WNK1: variants seen among roughly 807,000 people sequenced by gnomAD.
WNK1 encodes WNK lysine deficient protein kinase 1.
WNK1 carries 38 observed loss-of-function variants against 222.8 expected under a neutral mutation model. The observed-to-expected ratio is 0.17, with a 90% CI of 0.13 to 0.22. The LOEUF (loss-of-function observed/expected upper bound fraction) is 0.22. WNK1 is among the 10% of genes least tolerant of loss of function. The pLI is 1.00. For synonymous variants in WNK1, 1,090 were observed against 1,092.9 expected (o/e 1.00, Z 0.05); for missense variants, 2,348 against 2,918.4 (o/e 0.80, Z 4.50).
chr12:877,144 A>G (rs1592137304), intron 9 of WNK1, among the ~76,000 whole-genome samples: 1 of 141,100 alleles, frequency 7.1e-6, no homozygotes, highest in African/African-American at 2.7e-5. Flanking sequence ...GCTCACTGCA[A>G]CCTCCGCCTC....
intron 4 of WNK1, among the ~76,000 whole-genome samples, chr12:841,759 G>A (rs1276371920): frequency 1.3e-5 from 2 of 152,138 alleles, no homozygotes; most frequent in Non-Finnish European, 2.9e-5. Context: ...CTCATAGACC[G>A]GACTTTCTCG....
chr12:898,072 A>T (rs2154096481), intron 25 of WNK1, among the ~76,000 whole-genome samples: 1 of 152,358 alleles, frequency 6.6e-6, no homozygotes, highest in Non-Finnish European at 1.5e-5. Flanking sequence ...GTTTTAATGG[A>T]TGACTTAGTC....
intron 1 of WNK1, among the ~76,000 whole-genome samples, chr12:765,498 G>A (rs1446456047): frequency 6.9e-6 from 1 of 145,684 alleles, no homozygotes; most frequent in Non-Finnish European, 1.5e-5. Context: ...AGTGAGGCTT[G>A]ATCATGCCAC....
chr12:807,597 G>C (rs1398321210), intron 1 of WNK1, among the ~76,000 whole-genome samples: 2 of 151,484 alleles, frequency 1.3e-5, no homozygotes, highest in South Asian at 4.2e-4. Context: ...TTCCCCTTTG[G>C]CAAACCCTCA....
At chr12:759,582 G>A (rs1262576262) in intron 1 of WNK1, among the ~76,000 whole-genome samples, 1 of 147,768 alleles carries the variant, frequency 6.8e-6, no homozygotes, top group Non-Finnish European at 1.5e-5. Flanking sequence ...GCCCGCCTTG[G>A]CCTCCCAAAG....
chr12:824,529 G>A (rs1416708650), intron 2 of WNK1, among the ~76,000 whole-genome samples: 2 of 151,996 alleles, frequency 1.3e-5, no homozygotes, highest in African/African-American at 2.4e-5. Context: ...CACTTGAATA[G>A]CAATTTAGAC....
intron 20 of WNK1, among the ~76,000 whole-genome samples, chr12:887,953 CTTGAGTGCAG>C (rs1212180536): frequency 6.6e-6 from 1 of 152,116 alleles, no homozygotes; most frequent in Admixed American, 6.5e-5. Context: ...GTTCTGCTCA[CTTGAGTGCAG>C]TGGTGGACAG....
At chr12:899,974 T>C (rs1015211202) in intron 25 of WNK1, among the ~76,000 whole-genome samples, 1 of 151,648 alleles carries the variant, frequency 6.6e-6, no homozygotes, top group African/African-American at 2.4e-5. Flanking sequence ...GCTAAAAAGC[T>C]CTGGAATAGT....
Position 885,462 on chromosome 12 carries a change from C to T in WNK1, c.4658C>T (p.Pro1553Leu). ...TCTGCACCATCTTCCTCTTCCTCTCCTGGAGCAGGAGTGTCTAGTTATATT... is the reference window on the plus strand; with the variant it reads ...TCTGCACCATCTTCCTCTTCCTCTCTTGGAGCAGGAGTGTCTAGTTATATT... Reference protein sequence around the residue: ...SLSAPSSSSSPGAGVSSYISQ... With the variant: ...SLSAPSSSSSLGAGVSSYISQ... Residue 1553 changes from proline (P) to leucine (L), a missense_variant, in exon 19 of 28, where the codon CCT becomes CTT. Transcript: ENST00000315939. The T allele has an allele frequency of 6.2e-7, 1 of 1,613,978 alleles. No homozygotes were observed. Among genetic ancestry groups the T allele is most frequent in the Non-Finnish European group, 8.5e-7 (1 of 1,180,024 alleles).
chr12:753,624 C>T lies in WNK1; in HGVS notation c.59C>T (p.Pro20Leu), dbSNP rs1939515873. 2 of 1,612,792 alleles carry T rather than the reference C, an allele frequency of 1.2e-6. No homozygotes were observed. Among genetic ancestry groups the T allele is most frequent in the Non-Finnish European group, 1.7e-6 (2 of 1,179,916 alleles). ...ACTCCCGGTTCCCTGTTCCTCTCGC[C>T]GCCGGCTCCTGCCCCCAAGAATGGC... is the stretch of plus-strand genomic sequence containing the variant. ...SSTPGSLFLS[P>L]PAPAPKNGSS... Residue 20 changes from proline to leucine, a missense_variant, in exon 1 of 28, where the codon CCG (proline) becomes CTG (leucine). Transcript: ENST00000315939. The surrounding 1 kb of genome is among the most constrained non-coding windows in gnomAD (Gnocchi z 5.2).
chr12:825,617 A>G (rs1444218627), intron 2 of WNK1, among the ~76,000 whole-genome samples: 4 of 152,216 alleles, frequency 2.6e-5, no homozygotes, highest in Non-Finnish European at 5.9e-5. Context: ...CTATTCAACA[A>G]AATTGGAATA....
intron 2 of WNK1, among the ~76,000 whole-genome samples, chr12:821,042 GTTTTTTT>G (rs60880879): frequency 3.4e-4 from 27 of 79,114 alleles, no homozygotes; most frequent in African/African-American, 1.5e-3. Context: ...AGTTTCTTGA[GTTTTTTT>G]TTTTTTTTTT....
At chr12:775,133 T>C (rs1319052317) in intron 1 of WNK1, among the ~76,000 whole-genome samples, 2 of 152,184 alleles carry the variant, frequency 1.3e-5, no homozygotes, top group Non-Finnish European at 2.9e-5. Flanking sequence ...TGTTATAGTA[T>C]TAAAATCTGA....
chr12:876,605 A>G (rs1423220923), intron 9 of WNK1, among the ~76,000 whole-genome samples: 1 of 152,226 alleles, frequency 6.6e-6, no homozygotes, highest in East Asian at 1.9e-4. Flanking sequence ...ATAAATGTAC[A>G]AATAAATAGC....
intron 4 of WNK1, among the ~76,000 whole-genome samples, chr12:834,570 G>A (rs1949039718): frequency 6.6e-6 from 1 of 152,124 alleles, no homozygotes; most frequent in Admixed American, 6.5e-5. Context: ...AGCAAGATGG[G>A]TTTTGGAAGC....
At chr12:755,378 C>T (rs1352595641) in intron 1 of WNK1, among the ~76,000 whole-genome samples, 1 of 152,182 alleles carries the variant, frequency 6.6e-6, no homozygotes, top group East Asian at 1.9e-4. Context: ...GATCTTGGAA[C>T]TTATTTTATC....
At chr12:849,136 A>G (rs1950239003) in intron 4 of WNK1, among the ~76,000 whole-genome samples, 1 of 152,196 alleles carries the variant, frequency 6.6e-6, no homozygotes, top group South Asian at 2.1e-4. Context: ...GACATCCTAG[A>G]CTACTTAGTA....
At chr12:888,270 T>A (rs921170163) in intron 20 of WNK1, among the ~76,000 whole-genome samples, 4 of 152,128 alleles carry the variant, frequency 2.6e-5, no homozygotes, top group Non-Finnish European at 5.9e-5. Context: ...CACAATGAAG[T>A]AAAAACCCCA....
At chr12:832,045 C>T (rs901553874) in intron 4 of WNK1, among the ~76,000 whole-genome samples, 1 of 151,652 alleles carries the variant, frequency 6.6e-6, no homozygotes, top group Non-Finnish European at 1.5e-5. Flanking sequence ...GATAGCTGAA[C>T]AGAATGGAAA....
Sources: gnomAD v4.1 joint callset for allele counts (sites outside exome capture counted in the v4.1 genomes callset) on GRCh38, gnomAD v4.1.1 for gene constraint, Gnocchi (gnomAD v3.1) non-coding constraint, MANE v1.5 for transcripts, NCBI Gene and HGNC (gene_info 2026-07-23, HGNC 2026-07-21) for gene names.